PTPRD: variants seen among roughly 807,000 people sequenced by gnomAD.
PTPRD encodes the protein receptor-type tyrosine-protein phosphatase delta.
In PTPRD, 34 loss-of-function variants were observed where a neutral mutation model predicts 214.5. That is an observed-to-expected ratio of 0.16 (90% CI 0.12 to 0.21). The LOEUF is 0.21. Among genes scored for constraint, PTPRD ranks in the 10% least tolerant of loss-of-function variants. PTPRD has a pLI of 1.00. For synonymous variants in PTPRD, 1,128 were observed against 845.7 expected, an observed-to-expected ratio of 1.33 and a Z score of -5.79; for missense variants, 2,545 against 2,398.7, an observed-to-expected ratio of 1.06 and a Z score of -1.27.
chr9:10,444,590 C>G lies in PTPRD; in HGVS notation c.-599-103573G>C, dbSNP rs183543525. ...ATTCCACTAAAGACAAGATACATGCCTACTATGACAATTATATGAAATATA... is the reference window on the plus strand; with the variant it reads ...ATTCCACTAAAGACAAGATACATGCGTACTATGACAATTATATGAAATATA... On this transcript the variant is annotated intron_variant, in intron 2 of 45. Coordinates refer to ENST00000381196, the MANE Select transcript of PTPRD (RefSeq NM_002839.4). Among the ~76,000 whole-genome samples, 12 of 151,608 alleles carry G rather than the reference C, an allele frequency of 7.9e-5. No individual in the cohort carries two copies. The East Asian group carries it at 2.3e-3, about 29-fold the overall frequency.
chr9:10,085,236 C>T (rs908671628), intron 3 of PTPRD, among the ~76,000 whole-genome samples: 2 of 151,784 alleles, frequency 1.3e-5, no homozygotes, highest in African/African-American at 4.8e-5. Flanking sequence ...GACAACACGC[C>T]TTCTCAACTG....
At chr9:9,536,996 C>T (rs893678504) in intron 8 of PTPRD, among the ~76,000 whole-genome samples, 2 of 151,856 alleles carry the variant, frequency 1.3e-5, no homozygotes, top group Non-Finnish European at 2.9e-5. Flanking sequence ...ATTGCAGTAC[C>T]TATGGTTCAA....
At chr9:9,995,485 G>T (rs1429634962) in intron 4 of PTPRD, among the ~76,000 whole-genome samples, 1 of 152,140 alleles carries the variant, frequency 6.6e-6, no homozygotes, top group Non-Finnish European at 1.5e-5. Flanking sequence ...GGACATATGT[G>T]CTACTTTTAC....
chr9:9,868,081 A>G (rs1600294830), intron 5 of PTPRD, among the ~76,000 whole-genome samples: 1 of 152,194 alleles, frequency 6.6e-6, no homozygotes, highest in Non-Finnish European at 1.5e-5. Context: ...GTGTGCCTAC[A>G]GCCCACAGGT....
At chr9:8,933,908 G>T (rs986466998) in intron 11 of PTPRD, among the ~76,000 whole-genome samples, 1 of 152,058 alleles carries the variant, frequency 6.6e-6, no homozygotes, top group East Asian at 1.9e-4. Flanking sequence ...CTTCTGGCAA[G>T]TTCTCCATAT....
intron 3 of PTPRD, among the ~76,000 whole-genome samples, chr9:10,291,177 CT>C (rs2095517123): frequency 6.6e-6 from 1 of 151,908 alleles, no homozygotes; most frequent in Admixed American, 6.6e-5. Flanking sequence ...CAGATGGGGC[CT>C]TTTCTCTTCC....
At chr9:10,171,748 C>T (rs2099208477) in intron 3 of PTPRD, among the ~76,000 whole-genome samples, 2 of 152,146 alleles carry the variant, frequency 1.3e-5, no homozygotes, top group South Asian at 4.1e-4. Context: ...TGGTCTCGAT[C>T]TCCTGACCTT....
chr9:9,023,438 G>C (rs1297046000), intron 10 of PTPRD, among the ~76,000 whole-genome samples: 1 of 152,104 alleles, frequency 6.6e-6, no homozygotes, highest in East Asian at 1.9e-4. Flanking sequence ...AAAACGCCTA[G>C]GACCTGCTCT....
intron 3 of PTPRD, among the ~76,000 whole-genome samples, chr9:10,309,799 A>G (rs1249135011): frequency 6.6e-6 from 1 of 152,084 alleles, no homozygotes; most frequent in Non-Finnish European, 1.5e-5. Context: ...AAACAAAAAA[A>G]TTAGAACTAT....
chr9:9,236,160 G>A (rs2099966562), intron 9 of PTPRD, among the ~76,000 whole-genome samples: 1 of 152,102 alleles, frequency 6.6e-6, no homozygotes. Context: ...GGCTGAGGCA[G>A]GAGAATTGCT....
chr9:10,030,370 A>G (rs541639799), intron 4 of PTPRD, among the ~76,000 whole-genome samples: 24 of 152,232 alleles, frequency 1.6e-4, no homozygotes, highest in East Asian at 3.9e-4. Flanking sequence ...TATGAATTCA[A>G]TTTTCACATA....
intron 7 of PTPRD, among the ~76,000 whole-genome samples, chr9:9,579,846 C>T (rs921967441): frequency 6.6e-6 from 1 of 152,102 alleles, no homozygotes; most frequent in East Asian, 1.9e-4. Flanking sequence ...CATCATTCAT[C>T]TCCCTCCCAC....
At chr9:9,790,988 T>A (rs911223796) in intron 5 of PTPRD, among the ~76,000 whole-genome samples, 2 of 152,188 alleles carry the variant, frequency 1.3e-5, no homozygotes. Context: ...ATCATAAATA[T>A]ATATAATGAA....
At chr9:9,305,726 G>A (rs1956920790) in intron 9 of PTPRD, among the ~76,000 whole-genome samples, 7 of 152,014 alleles carry the variant, frequency 4.6e-5, no homozygotes, top group Admixed American at 4.6e-4. Context: ...TAAGATAAAT[G>A]AGAGAGAGAA....
chr9:9,830,349 T>C (rs2054408220), intron 5 of PTPRD, among the ~76,000 whole-genome samples: 2 of 151,866 alleles, frequency 1.3e-5, no homozygotes, highest in South Asian at 4.1e-4. Flanking sequence ...TTTAAAATGA[T>C]TGTTCAGATC....
intron 10 of PTPRD, among the ~76,000 whole-genome samples, chr9:9,058,888 G>C (rs908504896): frequency 2.6e-5 from 4 of 152,172 alleles, no homozygotes; most frequent in African/African-American, 9.7e-5. Context: ...ATGGAGCAAA[G>C]GAACAGATAA....
At chr9:9,719,776 C>G (rs542038674) in intron 7 of PTPRD, among the ~76,000 whole-genome samples, 6 of 152,310 alleles carry the variant, frequency 3.9e-5, no homozygotes, top group African/African-American at 1.4e-4. Flanking sequence ...TCTGCGGTTT[C>G]TGGCATCTCT....
At chr9:10,330,066 GCTT>G (rs1159208191) in intron 3 of PTPRD, among the ~76,000 whole-genome samples, 3 of 151,586 alleles carry the variant, frequency 2.0e-5, no homozygotes, top group African/African-American at 7.3e-5. Flanking sequence ...TGAAAATTGT[GCTT>G]TTTTTATTTC....
chr9:10,528,939 G>A (rs1265314304), intron 2 of PTPRD, among the ~76,000 whole-genome samples: 1 of 152,060 alleles, frequency 6.6e-6, no homozygotes, highest in Non-Finnish European at 1.5e-5. Context: ...TTTTGTGGTG[G>A]ATGGAAAAAA....
Sources: allele counts gnomAD v4.1 joint callset (sites outside exome capture counted in the v4.1 genomes callset), GRCh38; gene constraint gnomAD v4.1.1; transcripts MANE v1.5; gene names NCBI Gene and HGNC (gene_info 2026-07-23, HGNC 2026-07-21).